The following DDX10 variants were observed in gnomAD, a reference collection of about 807,000 sequenced individuals.
The protein encoded by DDX10 is probable ATP-dependent RNA helicase DDX10.
In DDX10, 74 loss-of-function variants were observed where a neutral mutation model predicts 104.3. The ratio of observed to expected loss-of-function variants is 0.71; its 90% confidence interval spans 0.59 to 0.86. The LOEUF is 0.86. Among genes scored for constraint, DDX10 ranks in the 40% least tolerant of loss-of-function variants. The probability of loss-of-function intolerance (pLI) is 0.00; values close to 1 mark genes in which losing one functional copy is unlikely to be tolerated. For missense variants in DDX10, 952 were observed against 1,040.0 expected (o/e 0.92, Z 1.16); for synonymous variants, 351 against 353.4 (o/e 0.99, Z 0.08).
chr11:108,673,853 T>C (rs945048812), intron 2 of DDX10, among the ~76,000 whole-genome samples: 1 of 152,170 alleles, frequency 6.6e-6, no homozygotes, highest in East Asian at 1.9e-4. Context: ...TCAGACTGAG[T>C]GGCTTAAACA....
intron 13 of DDX10, among the ~76,000 whole-genome samples, chr11:108,790,001 A>G (rs1339641848): frequency 6.6e-6 from 1 of 152,186 alleles, no homozygotes; most frequent in African/African-American, 2.4e-5. Flanking sequence ...AAAAGCTTCC[A>G]GGTGGTTTTA....
At chr11:108,909,473 C>T (rs989263048) in intron 16 of DDX10, among the ~76,000 whole-genome samples, 6 of 150,482 alleles carry the variant, frequency 4.0e-5, no homozygotes, top group Non-Finnish European at 8.9e-5. Flanking sequence ...TTCCCTTGTC[C>T]TGTGCCCTAC....
rs184030577 is a variant in DDX10, at chr11:108,888,364, C to G, written c.2305-29509C>G. 1.3e-3 allele frequency among the ~76,000 whole-genome samples: 191 copies of G among 152,242 alleles called. 2 individuals carry two copies. The highest frequency in any genetic ancestry group is 2.2e-3 in the Non-Finnish European group (150 of 68,010). ...CTTGTTCAATATATATTCCCCCCTT[C>G]CATTAGCATTGTAGTTATGTTGGCC... On this transcript the variant is annotated intron_variant, in intron 16 of 17. Coordinates refer to ENST00000322536, the MANE Select transcript of DDX10 (RefSeq NM_004398.4).
chr11:108,706,730 T>C lies in DDX10; in HGVS notation c.1224-9T>C. The C allele has an allele frequency of 3.1e-6, 5 of 1,611,036 alleles. No homozygotes were observed. The highest frequency in any genetic ancestry group is 4.2e-6 in the Non-Finnish European group (5 of 1,177,208). On this transcript the variant is annotated splice_polypyrimidine_tract_variant and intron_variant, in intron 9 of 17. Transcript: ENST00000322536. ...TGATGTGTTAAAGATTTTGTTTCTT[T>C]TTGTTTAGGTACAAAGAGGATGGTG... is the stretch of plus-strand genomic sequence containing the variant.
rs779265917 is a variant in DDX10, at chr11:108,841,498, C to T, written c.2247+22C>T. 5 of 1,608,388 alleles carry T rather than the reference C, an allele frequency of 3.1e-6. No individual in the cohort carries two copies. The East Asian group carries it at 1.1e-4, about 36-fold the overall frequency. ...TCGGGTAAGCTTTCCATCTTGAATT[C>T]ATACTGAGTAAAATTTAGTGTCCCG... On this transcript the variant is annotated intron_variant, in intron 15 of 17. Transcript: ENST00000322536.
chr11:108,716,752 C>T (rs981078423), intron 11 of DDX10, among the ~76,000 whole-genome samples: 1 of 152,080 alleles, frequency 6.6e-6, no homozygotes, highest in Non-Finnish European at 1.5e-5. Flanking sequence ...TCTTGATTAG[C>T]AAATACATAA....
intron 16 of DDX10, among the ~76,000 whole-genome samples, chr11:108,886,746 C>CTGAAAAATGGGATTTTT (rs1313926227): frequency 6.6e-6 from 1 of 152,160 alleles, no homozygotes; most frequent in East Asian, 1.9e-4. Flanking sequence ...AGTTATTTAA[C>CTGAAAAATGGGATTTTT]CACCAAGTTA....
chr11:108,679,830 C>T (rs993367281), intron 6 of DDX10, among the ~76,000 whole-genome samples: 1 of 152,162 alleles, frequency 6.6e-6, no homozygotes, highest in East Asian at 1.9e-4. Context: ...CATTTGCCAA[C>T]ACTACCTCTT....
chr11:108,807,944 G>A (rs1279160436), intron 13 of DDX10, among the ~76,000 whole-genome samples: 2 of 152,168 alleles, frequency 1.3e-5, no homozygotes, highest in African/African-American at 2.4e-5. Context: ...AAAGTGTCAC[G>A]TTCTGAAAAC....
chr11:108,799,242 A>G (rs1861985832), intron 13 of DDX10, among the ~76,000 whole-genome samples: 1 of 152,134 alleles, frequency 6.6e-6, no homozygotes, highest in Non-Finnish European at 1.5e-5. Context: ...TTATGATCTG[A>G]TTCAAAACTA....
intron 13 of DDX10, among the ~76,000 whole-genome samples, chr11:108,795,447 T>A (rs1861928149): frequency 6.6e-6 from 1 of 151,358 alleles, no homozygotes; most frequent in Admixed American, 6.6e-5. Flanking sequence ...ACCCTTTAAC[T>A]CATCATTTAC....
intron 13 of DDX10, among the ~76,000 whole-genome samples, chr11:108,749,048 A>ATG (rs2094335179): frequency 6.6e-6 from 1 of 151,290 alleles, no homozygotes; most frequent in Admixed American, 6.6e-5. Flanking sequence ...CTAGACAACC[A>ATG]TGTCTCTCTC....
intron 17 of DDX10, among the ~76,000 whole-genome samples, chr11:108,939,992 C>T (rs1335375699): frequency 6.6e-6 from 1 of 152,126 alleles, no homozygotes; most frequent in Non-Finnish European, 1.5e-5. Context: ...GATGATACAG[C>T]TGTAACTTCC....
intron 10 of DDX10, among the ~76,000 whole-genome samples, chr11:108,710,544 C>A (rs565703103): frequency 6.6e-6 from 1 of 152,056 alleles, no homozygotes; most frequent in South Asian, 2.1e-4. Flanking sequence ...AGAAGGCCTT[C>A]AGGGGCAGTA....
At chr11:108,749,379 A>G (rs1282610312) in intron 13 of DDX10, among the ~76,000 whole-genome samples, 1 of 152,196 alleles carries the variant, frequency 6.6e-6, no homozygotes, top group Non-Finnish European at 1.5e-5. Context: ...GGGTAGTACT[A>G]ACATTTATTT....
At chr11:108,769,952 A>G (rs1032226313) in intron 13 of DDX10, among the ~76,000 whole-genome samples, 6 of 152,232 alleles carry the variant, frequency 3.9e-5, no homozygotes, top group African/African-American at 1.4e-4. Context: ...AAAAAAATTT[A>G]GTGAGAAAGT....
At chr11:108,718,026 G>T (rs1485478948) in intron 11 of DDX10, among the ~76,000 whole-genome samples, 1 of 152,140 alleles carries the variant, frequency 6.6e-6, no homozygotes, top group African/African-American at 2.4e-5. Context: ...TTAGCTGGGT[G>T]TGGTGGTGCA....
At chr11:108,913,169 G>T (rs147558544) in intron 16 of DDX10, among the ~76,000 whole-genome samples, 1,671 of 152,252 alleles carry the variant, frequency 0.011, 35 homozygotes, top group African/African-American at 0.037. Context: ...GAGGACATGC[G>T]CCCAAGGTGG....
rs897174706 is a variant in DDX10 at position 108,684,255 on chromosome 11, A to G, written c.849-4681A>G. Among the ~76,000 whole-genome samples, 15 of 142,506 alleles carry G rather than the reference A, an allele frequency of 1.1e-4. 1 individual carries two copies. Among genetic ancestry groups the G allele is most frequent in the African/African-American group, 4.0e-4 (15 of 37,934 alleles). The allele number at this position is 142,506 out of a possible 152,430, so 93.5% of individuals were successfully genotyped here. On this transcript the variant is annotated intron_variant, in intron 6 of 17. Coordinates refer to ENST00000322536, the MANE Select transcript of DDX10 (RefSeq NM_004398.4). Reference sequence around the variant, plus strand: ...TGTGCACATTGTGCAGGTTAGTTACATATGTATACATGTGCCATGCTGGTG... The same window carrying G: ...TGTGCACATTGTGCAGGTTAGTTACGTATGTATACATGTGCCATGCTGGTG...
Sources: gnomAD v4.1 joint callset for allele counts (sites outside exome capture counted in the v4.1 genomes callset) on GRCh38, gnomAD v4.1.1 for gene constraint, MANE v1.5 for transcripts, NCBI Gene and HGNC (gene_info 2026-07-23, HGNC 2026-07-21) for gene names.